CACNA2D1: variants seen among roughly 807,000 people sequenced by gnomAD.
CACNA2D1 encodes calcium voltage-gated channel auxiliary subunit alpha2delta 1.
In CACNA2D1, 53 loss-of-function variants were observed where a neutral mutation model predicts 171.5. The ratio of observed to expected loss-of-function variants is 0.31; its 90% CI spans 0.25 to 0.39. The LOEUF is 0.39. Ranked by LOEUF, CACNA2D1 falls within the 10% of genes least tolerant of loss-of-function variation. The probability of loss-of-function intolerance (pLI) is 1.00; values close to 1 mark genes in which losing one functional copy is unlikely to be tolerated. For missense variants in CACNA2D1, 903 were observed against 1,299.8 expected (o/e 0.69, Z 4.69); for synonymous variants, 442 against 443.1 (o/e 1.00, Z 0.03).
chr7:82,419,576 T>A (rs1017333258), intron 1 of CACNA2D1, among the ~76,000 whole-genome samples: 1 of 152,236 alleles, frequency 6.6e-6, no homozygotes, highest in African/African-American at 2.4e-5. Flanking sequence ...GTACATTACA[T>A]AATTACACTT....
At position 82,031,396 on chromosome 7, in the gene CACNA2D1, G is replaced by T. The variant is rs148546340; in HGVS notation, c.1143+1401C>A. Among the ~76,000 whole-genome samples the T allele has an allele frequency of 1.4e-4, 21 of 151,998 alleles. No individual in the cohort carries two copies. The East Asian group carries it at 3.7e-3, about 27-fold the overall frequency. On this transcript the variant is annotated intron_variant, in intron 12 of 38. Transcript: ENST00000356860. Reference sequence around the variant, plus strand: ...TTCATTTCTGATGATTTCTTTGAAAGAAATATTCGTAGAATCTAGTTATCA... The same window carrying T: ...TTCATTTCTGATGATTTCTTTGAAATAAATATTCGTAGAATCTAGTTATCA...
At chr7:82,398,202 C>A (rs964963510) in intron 1 of CACNA2D1, among the ~76,000 whole-genome samples, 1 of 152,078 alleles carries the variant, frequency 6.6e-6, no homozygotes, top group African/African-American at 2.4e-5. Context: ...AGGGGAGAGA[C>A]TAAAAAAGTA....
chr7:82,251,527 A>G (rs944139338), intron 3 of CACNA2D1, among the ~76,000 whole-genome samples: 13 of 152,194 alleles, frequency 8.5e-5, no homozygotes, highest in African/African-American at 2.2e-4. Flanking sequence ...ACAATGTATT[A>G]TCATTGTGCT....
intron 38 of CACNA2D1, among the ~76,000 whole-genome samples, chr7:81,953,378 C>CT (rs1792831156): frequency 1.3e-5 from 2 of 152,016 alleles, no homozygotes; most frequent in African/African-American, 2.4e-5. Flanking sequence ...GCCTGGCTGT[C>CT]TCATCTTCCC....
At position 82,032,836 on chromosome 7, in the gene CACNA2D1, T is replaced by C; in HGVS notation, c.1104A>G (p.Arg368=). 1 of 1,594,530 alleles carries C rather than the reference T, an allele frequency of 6.3e-7. No homozygotes were observed. The highest frequency in any genetic ancestry group is 8.6e-7 in the Non-Finnish European group (1 of 1,163,344). Residue 368 remains arginine (R), a synonymous_variant, in exon 12 of 39, where the codon AGA becomes AGG. Coordinates refer to ENST00000356860, the MANE Select transcript of CACNA2D1 (RefSeq NM_000722.4). ...TGTATTTGTTAAATATCTCCTGGGC[T>C]CTCTCTTCTCCTCCATCCGTGAATA... ...IMLFTDGGEE[R]AQEIFNKYNK...
chr7:82,327,579 AT>A (rs1816804211), intron 3 of CACNA2D1, among the ~76,000 whole-genome samples: 1 of 152,210 alleles, frequency 6.6e-6, no homozygotes, highest in African/African-American at 2.4e-5. Flanking sequence ...TTAATGTAAA[AT>A]TCATTTAAAA....
At chr7:82,429,578 G>A (rs959261809) in intron 1 of CACNA2D1, among the ~76,000 whole-genome samples, 2 of 152,084 alleles carry the variant, frequency 1.3e-5, no homozygotes, top group African/African-American at 4.8e-5. Flanking sequence ...TGTACAGCCG[G>A]GACTCAGCTG....
chr7:82,408,692 C>G (rs1160649149), intron 1 of CACNA2D1, among the ~76,000 whole-genome samples: 1 of 152,164 alleles, frequency 6.6e-6, no homozygotes, highest in Non-Finnish European at 1.5e-5. Flanking sequence ...TAACCTTGGA[C>G]TGGAAAATCC....
chr7:82,041,966 C>T (rs549775253), intron 10 of CACNA2D1, among the ~76,000 whole-genome samples: 2 of 152,224 alleles, frequency 1.3e-5, no homozygotes, highest in East Asian at 3.9e-4. Flanking sequence ...TTTCAGTTGG[C>T]CTTGACCTGC....
At chr7:82,080,821 C>T (rs1809657762) in intron 7 of CACNA2D1, among the ~76,000 whole-genome samples, 1 of 152,188 alleles carries the variant, frequency 6.6e-6, no homozygotes, top group Non-Finnish European at 1.5e-5. Flanking sequence ...TCCTTGTCAA[C>T]TCACTGTAAG....
chr7:82,002,674 G>A (rs999401686), intron 18 of CACNA2D1, among the ~76,000 whole-genome samples: 1 of 151,950 alleles, frequency 6.6e-6, no homozygotes, highest in African/African-American at 2.4e-5. Context: ...ACCTAACCTG[G>A]CTACTTCAAT....
Position 82,038,248 on chromosome 7 carries a change from A to T in CACNA2D1, c.880-13T>A. ...CATTGCTGTTAAACTGCAAAAGATTAAAAAGTAAATATATAAATGAACATT... is the reference window on the plus strand; with the variant it reads ...CATTGCTGTTAAACTGCAAAAGATTTAAAAGTAAATATATAAATGAACATT... On this transcript the variant is annotated splice_polypyrimidine_tract_variant and intron_variant, in intron 10 of 38. Coordinates refer to ENST00000356860, the MANE Select transcript of CACNA2D1 (RefSeq NM_000722.4). 1 of 1,605,262 alleles carries T rather than the reference A, an allele frequency of 6.2e-7. No homozygotes were observed. Among genetic ancestry groups the T allele is most frequent in the Non-Finnish European group, 8.5e-7 (1 of 1,173,400 alleles).
intron 3 of CACNA2D1, among the ~76,000 whole-genome samples, chr7:82,316,153 A>G (rs1815098082): frequency 6.6e-6 from 1 of 152,138 alleles, no homozygotes. Flanking sequence ...AAAGACACAG[A>G]TAATAAATAA....
At chr7:82,362,997 T>C (rs2129447402) in intron 1 of CACNA2D1, among the ~76,000 whole-genome samples, 1 of 152,238 alleles carries the variant, frequency 6.6e-6, no homozygotes, top group Middle Eastern at 3.4e-3. Flanking sequence ...GATGGTATAA[T>C]TGTCGTATGA....
intron 5 of CACNA2D1, among the ~76,000 whole-genome samples, chr7:82,117,459 C>T (rs935921422): frequency 1.3e-5 from 2 of 152,076 alleles, no homozygotes; most frequent in African/African-American, 4.8e-5. Context: ...ACCAGACTTC[C>T]ACACATATAA....
At position 82,363,254 on chromosome 7, in the gene CACNA2D1, C is replaced by CTTTTTTTTTTTTTTTT. The variant is rs35419275; in HGVS notation, c.96-13621_96-13606dup. On this transcript the variant is annotated intron_variant, in intron 1 of 38. Transcript: ENST00000356860. ...CTACCATAGTTTTATTTATTTGTCT[C>CTTTTTTTTTTTTTTTT]TTTTTTTTTTTTTTTTTTTTTTTTT... Among the ~76,000 whole-genome samples, 64 of 63,432 alleles carry CTTTTTTTTTTTTTTTT rather than the reference C, an allele frequency of 1.0e-3. 10 individuals carry two copies. The highest frequency in any genetic ancestry group is 5.1e-3 in the African/African-American group (61 of 11,946). 41.6% of individuals were successfully genotyped at this position (63,432 alleles called of 152,430 possible). A position where few individuals can be genotyped will look rare whatever the true frequency, so the allele number is the denominator to read the frequency against.
chr7:82,354,436 A>G lies in CACNA2D1; in HGVS notation c.96-4787T>C, dbSNP rs113898452. Among the ~76,000 whole-genome samples, 1,252 of 152,306 alleles carry G rather than the reference A, an allele frequency of 8.2e-3. 8 individuals are homozygous for G. The highest frequency in any genetic ancestry group is 0.013 in the Non-Finnish European group (855 of 68,012). On this transcript the variant is annotated intron_variant, in intron 1 of 38. Coordinates refer to ENST00000356860, the MANE Select transcript of CACNA2D1 (RefSeq NM_000722.4). ...AATTAAGAAATAAGTAGAACCAAAGAGAAATCTAATCCATGGCTAGAAGAG... is the reference window on the plus strand; with the variant it reads ...AATTAAGAAATAAGTAGAACCAAAGGGAAATCTAATCCATGGCTAGAAGAG...
chr7:82,129,271 G>A (rs1790684936), intron 5 of CACNA2D1, among the ~76,000 whole-genome samples: 1 of 152,104 alleles, frequency 6.6e-6, no homozygotes, highest in Non-Finnish European at 1.5e-5. Flanking sequence ...AACACTGCAG[G>A]CCTTCCAAAT....
intron 3 of CACNA2D1, among the ~76,000 whole-genome samples, chr7:82,196,782 G>A (rs1045204639): frequency 1.3e-5 from 2 of 151,716 alleles, no homozygotes; most frequent in Non-Finnish European, 2.9e-5. Context: ...AGAATAGTCT[G>A]GGCAAAGAAA....
Sources: allele counts gnomAD v4.1 joint callset (sites outside exome capture counted in the v4.1 genomes callset), GRCh38; gene constraint gnomAD v4.1.1; transcripts MANE v1.5; gene names NCBI Gene and HGNC (gene_info 2026-07-23, HGNC 2026-07-21).